SEZ6L: variants seen among roughly 807,000 people sequenced by gnomAD.
SEZ6L encodes seizure 6-like protein.
A neutral mutation model predicts 106.2 loss-of-function variants in SEZ6L; 37 were observed. The ratio of observed to expected loss-of-function variants is 0.35; its 90% CI spans 0.27 to 0.46. The LOEUF is 0.46. SEZ6L is among the 20% of genes least tolerant of loss of function. The pLI is 1.00. For synonymous variants in SEZ6L, 541 were observed against 570.4 expected (o/e 0.95, Z 0.73); for missense variants, 1,172 against 1,332.8 (o/e 0.88, Z 1.88).
intron 1 of SEZ6L, among the ~76,000 whole-genome samples, chr22:26,267,110 C>T (rs1336549402): frequency 1.3e-5 from 2 of 152,152 alleles, no homozygotes; most frequent in Non-Finnish European, 2.9e-5. Flanking sequence ...ATGTTCTAGG[C>T]TCTTTACTTG....
At chr22:26,184,464 C>T (rs773231789) in intron 1 of SEZ6L, among the ~76,000 whole-genome samples, 14 of 152,174 alleles carry the variant, frequency 9.2e-5, no homozygotes, top group Non-Finnish European at 1.9e-4. Context: ...CTCTCTTTCC[C>T]ACTAGGCCAT....
intron 10 of SEZ6L, among the ~76,000 whole-genome samples, chr22:26,347,199 AATGATGATG>A (rs3071639): frequency 2.0e-4 from 30 of 149,840 alleles, no homozygotes; most frequent in Non-Finnish European, 3.1e-4. Context: ...CTGTAAAAAT[AATGATGATG>A]ATGATGATGA....
chr22:26,310,123 T>C (rs1290038321), intron 6 of SEZ6L, among the ~76,000 whole-genome samples: 2 of 152,264 alleles, frequency 1.3e-5, no homozygotes, highest in Non-Finnish European at 2.9e-5. Context: ...TTACATCATA[T>C]ACATTACTCT....
chr22:26,353,828 C>T (rs2083353229), intron 12 of SEZ6L, among the ~76,000 whole-genome samples: 1 of 151,240 alleles, frequency 6.6e-6, no homozygotes, highest in Admixed American at 6.6e-5. Context: ...TTGATTAGAA[C>T]TTCAAAGTTC....
At chr22:26,196,739 T>C (rs1294293837) in intron 1 of SEZ6L, among the ~76,000 whole-genome samples, 1 of 152,186 alleles carries the variant, frequency 6.6e-6, no homozygotes, top group Non-Finnish European at 1.5e-5. Flanking sequence ...GAGTGGACCC[T>C]ATGGGTACAG....
intron 1 of SEZ6L, among the ~76,000 whole-genome samples, chr22:26,261,136 C>A (rs2079992802): frequency 6.6e-6 from 1 of 151,976 alleles, no homozygotes; most frequent in Non-Finnish European, 1.5e-5. Flanking sequence ...GATATTAGTC[C>A]TTTGTTGGAC....
intron 10 of SEZ6L, among the ~76,000 whole-genome samples, chr22:26,343,314 G>A (rs944348936): frequency 7.3e-6 from 1 of 136,568 alleles, no homozygotes; most frequent in African/African-American, 2.9e-5. Flanking sequence ...CCTGCATTCA[G>A]CTTGATGGCC....
intron 13 of SEZ6L, among the ~76,000 whole-genome samples, chr22:26,370,536 A>C (rs1568953773): frequency 6.6e-6 from 1 of 152,308 alleles, no homozygotes; most frequent in East Asian, 1.9e-4. Flanking sequence ...AAGAAATCAG[A>C]GCTTCAAATG....
chr22:26,313,037 G>A (rs572634398), intron 8 of SEZ6L, among the ~76,000 whole-genome samples: 7 of 152,356 alleles, frequency 4.6e-5, no homozygotes, highest in African/African-American at 1.2e-4. Context: ...TAAATGTGCC[G>A]ATTTAACAGA....
At position 26,169,641 on chromosome 22, in the gene SEZ6L, C is replaced by A. The variant is rs577606468; in HGVS notation, c.-29C>A. 7.4e-5 allele frequency: 71 copies of A among 955,476 alleles called. No homozygotes were observed. The highest frequency in any genetic ancestry group is 9.6e-5 in the Non-Finnish European group (67 of 701,072). 59.2% of individuals were successfully genotyped at this position (955,476 alleles called of 1,614,324 possible). A position where few individuals can be genotyped will look rare whatever the true frequency, so the allele number is the denominator to read the frequency against. On this transcript the variant is annotated 5_prime_UTR_variant, in exon 1 of 17. Transcript: ENST00000248933. ...CCCTCGCCGTCCGCCCGCCCCACAG[C>A]CAGCGGCTCCGCGCCCCCTGCAGCC...
chr22:26,256,841 A>G (rs1015192816), intron 1 of SEZ6L, among the ~76,000 whole-genome samples: 2 of 152,202 alleles, frequency 1.3e-5, no homozygotes, highest in African/African-American at 4.8e-5. Context: ...CAAGCCTGAC[A>G]TCTACTGCCA....
intron 1 of SEZ6L, among the ~76,000 whole-genome samples, chr22:26,193,005 C>T (rs74389991): frequency 2.0e-5 from 3 of 152,132 alleles, no homozygotes; most frequent in Non-Finnish European, 2.9e-5. Context: ...CACTGTAAAT[C>T]GTAATGAGTA....
chr22:26,373,579 A>T lies in SEZ6L; in HGVS notation c.2827+96A>T, dbSNP rs1043632999. On this transcript the variant is annotated intron_variant, in intron 14 of 16. Coordinates refer to ENST00000248933, the MANE Select transcript of SEZ6L (RefSeq NM_021115.5). ...TGAATATCTTTATTTAGACACTTAA[A>T]AAATAAATAAATTCTACCTTCAGAC... is the stretch of plus-strand genomic sequence containing the variant. 1.8e-4 allele frequency: 168 copies of T among 923,666 alleles called. 3 individuals carry two copies. Among genetic ancestry groups the T allele is most frequent in the South Asian group, 1.7e-3 (104 of 62,508 alleles). 57.2% of individuals were successfully genotyped at this position (923,666 alleles called of 1,614,324 possible).
rs538621422 is a variant in SEZ6L, at chr22:26,338,876, T to C, written c.2016-1560T>C. Among the ~76,000 whole-genome samples, 22 of 128,736 alleles carry C rather than the reference T, an allele frequency of 1.7e-4. No individual in the cohort carries two copies. The South Asian group carries it at 4.9e-3, about 29-fold the overall frequency. 84.5% of individuals were successfully genotyped at this position (128,736 alleles called of 152,430 possible). ...CGGACTTTTTTTTTTTCTTTTTTTT[T>C]TTTTTTTTGTAGAGACAGGGTCTCT... On this transcript the variant is annotated intron_variant, in intron 9 of 16. Coordinates refer to ENST00000248933, the MANE Select transcript of SEZ6L (RefSeq NM_021115.5).
At chr22:26,270,584 T>C (rs934125470) in intron 1 of SEZ6L, among the ~76,000 whole-genome samples, 1 of 152,124 alleles carries the variant, frequency 6.6e-6, no homozygotes, top group African/African-American at 2.4e-5. Context: ...ATAGGAGCTA[T>C]AGACACCTTC....
intron 9 of SEZ6L, among the ~76,000 whole-genome samples, chr22:26,337,424 G>A (rs1266900099): frequency 1.3e-5 from 2 of 152,164 alleles, no homozygotes; most frequent in African/African-American, 2.4e-5. Flanking sequence ...TCGGCTTAAG[G>A]AATATATCTG....
At chr22:26,338,855 C>CT (rs758792495) in intron 9 of SEZ6L, among the ~76,000 whole-genome samples, 5 of 93,386 alleles carry the variant, frequency 5.4e-5, no homozygotes, top group East Asian at 3.0e-4. Context: ...CACGCCCGGA[C>CT]TTTTTTTTTT....
rs182702237 is a variant in SEZ6L, at chr22:26,207,027, T to G, written c.94+37264T>G. Among the ~76,000 whole-genome samples, 209 of 152,332 alleles carry G rather than the reference T, an allele frequency of 1.4e-3. 2 individuals are homozygous for G. Among genetic ancestry groups the G allele is most frequent in the African/African-American group, 4.7e-3 (196 of 41,580 alleles). On this transcript the variant is annotated intron_variant, in intron 1 of 16. Transcript: ENST00000248933. The stretch of plus-strand genomic sequence containing the variant: ...ATTTTCTTCTTAATGCATCTAAAAT[T>G]TTGTTTAAAGCAAAAAGCATAAATT...
chr22:26,250,740 A>G (rs1290045490), intron 1 of SEZ6L, among the ~76,000 whole-genome samples: 1 of 152,136 alleles, frequency 6.6e-6, no homozygotes. Context: ...TCTGTAGATC[A>G]CTTTTGGTAA....
Sources: gnomAD v4.1 joint callset for allele counts (sites outside exome capture counted in the v4.1 genomes callset) on GRCh38, gnomAD v4.1.1 for gene constraint, MANE v1.5 for transcripts, NCBI Gene and HGNC (gene_info 2026-07-23, HGNC 2026-07-21) for gene names.